The following IQGAP1 variants were observed in gnomAD, a reference collection of about 807,000 sequenced individuals.
IQGAP1 encodes IQ motif containing GTPase activating protein 1, also known as ras GTPase-activating-like protein IQGAP1.
In IQGAP1, 66 loss-of-function variants were observed where a neutral mutation model predicts 215.6. That is an observed-to-expected ratio of 0.31 (90% CI 0.25 to 0.38). The LOEUF (loss-of-function observed/expected upper bound fraction) is 0.38, where lower values mean the gene tolerates loss of function less well. Ranked by LOEUF, IQGAP1 falls within the 10% of genes least tolerant of loss-of-function variation. IQGAP1 has a pLI of 1.00. For missense variants in IQGAP1, 1,712 were observed against 1,997.1 expected (o/e 0.86, Z 2.72); for synonymous variants, 772 against 728.7 (o/e 1.06, Z -0.96).
rs773448603 is a variant in IQGAP1, at chr15:90,453,117, T to G, written c.1327-15T>G. 7 of 1,597,950 alleles carry G rather than the reference T, an allele frequency of 4.4e-6. No homozygotes were observed. Among genetic ancestry groups the G allele is most frequent in the Non-Finnish European group, 6.0e-6 (7 of 1,173,026 alleles). On this transcript the variant is annotated splice_polypyrimidine_tract_variant and intron_variant, in intron 12 of 37. Transcript: ENST00000268182. The stretch of plus-strand genomic sequence containing the variant: ...TCTTTCCTCACTGTTTTCCCTTCTG[T>G]CCCTTTCTGTACAGCATAATCTCAC...
intron 36 of IQGAP1, among the ~76,000 whole-genome samples, chr15:90,495,666 C>T (rs1220222142): frequency 1.6e-4 from 22 of 133,904 alleles, no homozygotes; most frequent in Non-Finnish European, 3.1e-4. Flanking sequence ...TTTTTTTTCA[C>T]GGAGTCTCTC....
At chr15:90,492,093 A>G (rs1440511775) in intron 34 of IQGAP1, among the ~76,000 whole-genome samples, 2 of 152,194 alleles carry the variant, frequency 1.3e-5, no homozygotes, top group Non-Finnish European at 2.9e-5. Flanking sequence ...TTTCCCTGCT[A>G]GAAGATACAA....
chr15:90,493,976 G>A (rs1194267879), intron 35 of IQGAP1: 4 of 152,162 alleles, frequency 2.6e-5, no homozygotes, highest in African/African-American at 7.2e-5. Context: ...TGCCAGATTT[G>A]TCATGGCCTC....
At chr15:90,482,317 G>T (rs1459452730) in intron 28 of IQGAP1, 36 bp downstream of exon 28, 2 of 1,600,782 alleles carry the variant, frequency 1.2e-6, no homozygotes, top group Non-Finnish European at 1.7e-6. Context: ...CCTGCCCTTT[G>T]AGGACAAAGC....
intron 28 of IQGAP1, 155 bp from the exon 29 acceptor site, chr15:90,483,202 AGAGT>A (rs1206034256): frequency 8.4e-6 from 5 of 594,308 alleles, no homozygotes; most frequent in Non-Finnish European, 1.2e-5. Context: ...GCCATGAGAG[AGAGT>A]GTGTATATGT....
chr15:90,495,952 T>A (rs536148396), intron 36 of IQGAP1, among the ~76,000 whole-genome samples: 21 of 149,350 alleles, frequency 1.4e-4, no homozygotes, highest in African/African-American at 3.7e-4. Flanking sequence ...TATTATTATT[T>A]ATTATTATAG....
intron 15 of IQGAP1, among the ~76,000 whole-genome samples, chr15:90,456,546 T>C (rs1025455493): frequency 6.6e-6 from 1 of 152,060 alleles, no homozygotes; most frequent in African/African-American, 2.4e-5. Context: ...TTGACAGTCT[T>C]TTGTGTCTCT....
At chr15:90,476,560 G>A in intron 23 of IQGAP1, 103 bp from the exon 24 acceptor site, 1 of 801,004 alleles carries the variant, frequency 1.2e-6, no homozygotes. Flanking sequence ...TGCCAGTGCA[G>A]TACACCTTCA....
At chr15:90,463,059 A>G in intron 15 of IQGAP1, among the ~76,000 whole-genome samples, 1 of 130,120 alleles carries the variant, frequency 7.7e-6, no homozygotes, top group Non-Finnish European at 1.6e-5. Flanking sequence ...TTACACTGGG[A>G]TGAGGTGTAG....
At chr15:90,430,976 AATTTTACAAT>A (rs1318457822) in intron 4 of IQGAP1, among the ~76,000 whole-genome samples, 3 of 148,086 alleles carry the variant, frequency 2.0e-5, no homozygotes, top group African/African-American at 7.3e-5. Flanking sequence ...ATTGTAATAT[AATTTTACAAT>A]ATTATATAAT....
chr15:90,409,410 G>A (rs979836648), intron 2 of IQGAP1, among the ~76,000 whole-genome samples: 4 of 151,870 alleles, frequency 2.6e-5, no homozygotes, highest in Non-Finnish European at 5.9e-5. Context: ...GCTAATTTTT[G>A]TATTTTTAGT....
intron 2 of IQGAP1, among the ~76,000 whole-genome samples, chr15:90,419,182 A>T (rs1219245459): frequency 6.6e-6 from 1 of 151,756 alleles, no homozygotes; most frequent in Admixed American, 6.6e-5. Context: ...TCAGAATCAC[A>T]CCAACTTGGG....
At chr15:90,398,183 G>A (rs1435984266) in intron 2 of IQGAP1, among the ~76,000 whole-genome samples, 2 of 152,052 alleles carry the variant, frequency 1.3e-5, no homozygotes. Context: ...ACTGTGCCCG[G>A]CCTCCTGAAT....
At chr15:90,469,633 A>C (rs916688741) in intron 18 of IQGAP1, among the ~76,000 whole-genome samples, 7 of 152,194 alleles carry the variant, frequency 4.6e-5, no homozygotes, top group Non-Finnish European at 8.8e-5. Context: ...CTGTAATGTA[A>C]GGCAGAGAGA....
chr15:90,409,247 T>A (rs1019904555), intron 2 of IQGAP1, among the ~76,000 whole-genome samples: 3 of 150,242 alleles, frequency 2.0e-5, no homozygotes, highest in African/African-American at 7.3e-5. Flanking sequence ...TTTTTTTTTT[T>A]TTTTTTTTTA....
At chr15:90,422,081 T>C (rs181377872) in intron 2 of IQGAP1, among the ~76,000 whole-genome samples, 39 of 152,234 alleles carry the variant, frequency 2.6e-4, no homozygotes, top group African/African-American at 8.9e-4. Context: ...GATACCAGCC[T>C]TTTTCCTTCT....
chr15:90,460,240 T>A (rs1172109380), intron 15 of IQGAP1, among the ~76,000 whole-genome samples: 1 of 152,158 alleles, frequency 6.6e-6, no homozygotes, highest in Non-Finnish European at 1.5e-5. Context: ...ATTTTATATT[T>A]CATGATGATA....
intron 28 of IQGAP1, chr15:90,482,788 G>A (rs1367885974): frequency 2.2e-6 from 2 of 913,818 alleles, no homozygotes; most frequent in Non-Finnish European, 1.3e-6. Context: ...AACTCTAGGG[G>A]AAATGCTGTG....
chr15:90,499,579 T>C (rs570403367), intron 37 of IQGAP1, among the ~76,000 whole-genome samples: 58 of 152,332 alleles, frequency 3.8e-4, no homozygotes, highest in African/African-American at 1.4e-3. Context: ...TCATCATAGG[T>C]TTAAATGCTT....
Sources: gnomAD v4.1 joint callset for allele counts (sites outside exome capture counted in the v4.1 genomes callset) on GRCh38, gnomAD v4.1.1 for gene constraint, MANE v1.5 for transcripts, NCBI Gene and HGNC (gene_info 2026-07-23, HGNC 2026-07-21) for gene names.